The following NUMA1 variants were observed in gnomAD, a reference collection of about 807,000 sequenced individuals.
NUMA1 encodes the protein SP-H antigen.
NUMA1 carries 62 observed loss-of-function variants against 237.1 expected under a neutral mutation model. The observed-to-expected ratio is 0.26, with a 90% CI of 0.21 to 0.32. The LOEUF (loss-of-function observed/expected upper bound fraction) is 0.32, where lower values mean the gene tolerates loss of function less well. Among genes scored for constraint, NUMA1 ranks in the 10% least tolerant of loss-of-function variants. NUMA1 has a pLI of 1.00. For missense variants in NUMA1, 2,533 were observed against 2,666.5 expected, an observed-to-expected ratio of 0.95 and a Z score of 1.10; for synonymous variants, 1,028 against 1,066.1, an observed-to-expected ratio of 0.96 and a Z score of 0.70.
rs778778070 is a variant in NUMA1 at position 72,015,471 on chromosome 11, A to G, written c.2032T>C (p.Leu678=). The G allele has an allele frequency of 6.2e-7, 1 of 1,610,970 alleles. No homozygotes were observed. The highest frequency in any genetic ancestry group is 8.5e-7 in the Non-Finnish European group (1 of 1,179,626). ...EAQAQVAELE[L]QLRSEQQKAT... ...TTTTGCTGCTCAGACCGCAGCTGCA[A>G]CTCTAGCTCTGCAACCTGGGCCTGG... The change falls in exon 15 of 27, where the codon TTG becomes CTG. Residue 678 remains leucine (L), a synonymous_variant. Transcript: ENST00000393695. The surrounding 1 kb of genome is among the most constrained non-coding windows in gnomAD (Gnocchi z 4.0).
intron 16 of NUMA1, chr11:72,012,166 T>C (rs1956200973): frequency 2.0e-6 from 1 of 503,178 alleles, no homozygotes; most frequent in Non-Finnish European, 3.5e-6. Context: ...GATAGGCAAA[T>C]GAGAGAAGGT....
intron 2 of NUMA1, among the ~76,000 whole-genome samples, chr11:72,044,824 T>C (rs897709734): frequency 6.6e-6 from 1 of 152,000 alleles, no homozygotes. Context: ...CCTGCCACCA[T>C]GCCCAGCTGA....
In NUMA1 at chr11:72,007,823, C is replaced by T. The variant is rs925697189; in HGVS notation, c.5217-388G>A. 7.0e-5 allele frequency: 25 copies of T among 355,084 alleles called. 1 individual carries two copies. Among genetic ancestry groups the T allele is most frequent in the Middle Eastern group, 9.4e-4 (1 of 1,068 alleles). The allele number at this position is 355,084 out of a possible 1,614,324, so 22.0% of individuals were successfully genotyped here. On this transcript the variant is annotated intron_variant, in intron 20 of 26. Transcript: ENST00000393695. ...CATGAACGTGGGCATAATCCAATGT[C>T]GTCCTGCTTGGCGAGCCCAATCACC...
intron 2 of NUMA1, among the ~76,000 whole-genome samples, chr11:72,057,043 AC>A (rs1350129384): frequency 1.3e-5 from 2 of 151,218 alleles, no homozygotes; most frequent in African/African-American, 4.9e-5. Flanking sequence ...TGTAAAATAC[AC>A]CCCAATTTCA....
intron 1 of NUMA1, among the ~76,000 whole-genome samples, chr11:72,070,923 T>C (rs1330792670): frequency 6.6e-6 from 1 of 152,192 alleles, no homozygotes; most frequent in African/African-American, 2.4e-5. Flanking sequence ...TAATACTCTA[T>C]CTTGCAAATG....
chr11:72,080,306 C>T (rs1308887839), intron 1 of NUMA1, 152 bp downstream of exon 1: 1 of 147,382 alleles, frequency 6.8e-6, no homozygotes, highest in Non-Finnish European at 1.5e-5. Context: ...GGCGCCTCTC[C>T]TCACAAACCT....
chr11:72,012,784 G>A (rs1156296145), intron 15 of NUMA1, 111 bp downstream of exon 15: 6 of 1,443,154 alleles, frequency 4.2e-6, no homozygotes, highest in Non-Finnish European at 5.6e-6. Flanking sequence ...AGTGAATGAG[G>A]AAAGGCAAGA....
In NUMA1 at chr11:72,016,185, C is replaced by T; in HGVS notation, c.1318G>A (p.Glu440Lys). 6.2e-7 allele frequency: 1 copy of T among 1,613,298 alleles called. No homozygotes were observed. The highest frequency in any genetic ancestry group is 8.5e-7 in the Non-Finnish European group (1 of 1,179,536). Residue 440 changes from glutamate to lysine, a missense_variant, in exon 15 of 27, where the codon GAG (glutamate) becomes AAG (lysine). Glu to Lys is a moderately conservative substitution (Grantham distance 56). Transcript: ENST00000393695. ...TQLQARVEMLETERGQQEAKL... is the reference protein window; with the variant it reads ...TQLQARVEMLKTERGQQEAKL... ...GCTTCCTGCTGGCCTCGCTCAGTCT[C>T]CAGCATCTCTACCCTGGCTTGGAGC...
rs1025639638 is a variant in NUMA1, at chr11:72,012,421, G to C, written c.4630C>G (p.Gln1544Glu). 8 of 1,613,100 alleles carry C rather than the reference G, an allele frequency of 5.0e-6. No homozygotes were observed. The highest frequency in any genetic ancestry group is 6.8e-6 in the Non-Finnish European group (8 of 1,179,636). ...ATTACCTGCTTAGTTTGCTCTCTCT[G>C]AAATACCTCTAGCTGCTCCACCTGT... is the stretch of plus-strand genomic sequence containing the variant. ...TAQVEQLEVF[Q>E]REQTKQVEEL... is the part of the protein sequence containing the mutation. Residue 1544 changes from glutamine to glutamate, a missense_variant, in exon 16 of 27, where the codon CAG (glutamine) becomes GAG (glutamate). By Grantham distance (29) the Gln-to-Glu change is conservative. This residue lies in a region of NUMA1 where 795 missense variants were observed against 750.8 expected (regional missense o/e 1.06). Coordinates refer to ENST00000393695, the MANE Select transcript of NUMA1 (RefSeq NM_006185.4).
intron 1 of NUMA1, among the ~76,000 whole-genome samples, chr11:72,079,553 A>C (rs1054898644): frequency 6.6e-6 from 1 of 152,038 alleles, no homozygotes; most frequent in Admixed American, 6.5e-5. Flanking sequence ...AAAAAAAAAA[A>C]ATGACAAGTG....
rs539723077 is a variant in NUMA1 at position 72,040,142 on chromosome 11, G to A, written c.-32-4167C>T. On this transcript the variant is annotated intron_variant, in intron 2 of 26. Coordinates refer to ENST00000393695, the MANE Select transcript of NUMA1 (RefSeq NM_006185.4). ...CAAGTCCAAAGAGTTTCCTGAGGTC[G>A]GGGCAAACCAGTTTGGTCCATCTAA... Among the ~76,000 whole-genome samples the A allele has an allele frequency of 4.6e-5, 7 of 152,228 alleles. No homozygotes were observed. The East Asian group carries it at 5.8e-4, about 13-fold the overall frequency.
At chr11:72,040,445 T>TACATACACAC (rs1941528300) in intron 2 of NUMA1, among the ~76,000 whole-genome samples, 2 of 136,558 alleles carry the variant, frequency 1.5e-5, no homozygotes, top group Admixed American at 7.3e-5. Flanking sequence ...CGCGTACACA[T>TACATACACAC]ACACACACAC....
In NUMA1 at chr11:72,016,114, C is replaced by T. The variant is rs142208518; in HGVS notation, c.1389G>A (p.Gln463=). The change falls in exon 15 of 27, where the codon CAG becomes CAA. Residue 463 remains glutamine (Q), a synonymous_variant. Coordinates refer to ENST00000393695, the MANE Select transcript of NUMA1 (RefSeq NM_006185.4). The stretch of plus-strand genomic sequence containing the variant: ...GCAGGTCAGTGATCAGGCTAGACAG[C>T]TGCTGCTTTTCTTCTTCGAAGTGGC... ...ERGHFEEEKQ[Q]LSSLITDLQS... is the part of the protein sequence containing the mutation. 1.4e-5 allele frequency: 22 copies of T among 1,614,154 alleles called. No homozygotes were observed. The Middle Eastern group carries it at 4.9e-4, about 36-fold the overall frequency.
rs1475033295 is a variant in NUMA1 at position 72,017,743 on chromosome 11, A to G, written c.1063T>C (p.Trp355Arg). Residue 355 changes from tryptophan (W) to arginine (R), a missense_variant, in exon 13 of 27, where the codon TGG becomes CGG. This residue lies in a region of NUMA1 where 1,414 missense variants were observed against 1,508.1 expected (regional missense o/e 0.94). Transcript: ENST00000393695. ...TEEHSKATQEWLEKQAQLEKE... is the reference protein window; with the variant it reads ...TEEHSKATQERLEKQAQLEKE... The stretch of plus-strand genomic sequence containing the variant: ...TCCAGCTGGGCCTGCTTCTCTAGCC[A>G]CTCCTGAGTGGCCTTGCTGTGCTCC... The G allele has an allele frequency of 1.2e-6, 2 of 1,613,280 alleles. No homozygotes were observed. The highest frequency in any genetic ancestry group is 3.3e-5 in the Admixed American group (2 of 60,018).
At chr11:72,064,454 C>G (rs1943110781) in intron 2 of NUMA1, among the ~76,000 whole-genome samples, 1 of 151,384 alleles carries the variant, frequency 6.6e-6, no homozygotes, top group Admixed American at 6.6e-5. Context: ...AGTGACAGAG[C>G]AAGGCCCCGT....
chr11:72,026,435 C>A (rs7930721), intron 4 of NUMA1, among the ~76,000 whole-genome samples: 134,825 of 151,982 alleles, frequency 0.89, 60,078 homozygotes, highest in Non-Finnish European at 0.95. Context: ...AAATGTCAGA[C>A]CTCTAAGTTT....
At chr11:72,072,680 G>C (rs1943507545) in intron 1 of NUMA1, among the ~76,000 whole-genome samples, 1 of 152,052 alleles carries the variant, frequency 6.6e-6, no homozygotes. Context: ...CTTTACCTTG[G>C]TTCTCTCCTC....
intron 3 of NUMA1, among the ~76,000 whole-genome samples, chr11:72,033,800 C>T (rs1940655418): frequency 6.6e-6 from 1 of 152,116 alleles, no homozygotes; most frequent in Non-Finnish European, 1.5e-5. Flanking sequence ...GCGGGTGGAT[C>T]ACTGGAGCTC....
At chr11:72,023,264 G>C in intron 5 of NUMA1, 117 bp from the exon 6 acceptor site, 2 of 752,032 alleles carry the variant, frequency 2.7e-6, no homozygotes, top group Non-Finnish European at 4.7e-6. Flanking sequence ...ATGAGATGTA[G>C]GCCTCCTTAC....
Sources: allele counts gnomAD v4.1 joint callset (sites outside exome capture counted in the v4.1 genomes callset), GRCh38; gene constraint gnomAD v4.1.1; regional missense constraint gnomAD v4.1.1; non-coding constraint Gnocchi (gnomAD v3.1); transcripts MANE v1.5; gene names NCBI Gene and HGNC (gene_info 2026-07-23, HGNC 2026-07-21).